GPC6: variants seen among roughly 807,000 people sequenced by gnomAD.
GPC6 encodes the protein glypican 6.
GPC6 carries 14 observed loss-of-function variants against 55.2 expected under a neutral mutation model. The observed-to-expected ratio is 0.25, with a 90% CI of 0.17 to 0.40. The LOEUF (loss-of-function observed/expected upper bound fraction) is 0.40, where lower values mean the gene tolerates loss of function less well. Ranked by LOEUF, GPC6 falls within the 10% of genes least tolerant of loss-of-function variation. The probability of loss-of-function intolerance (pLI) is 1.00; values close to 1 mark genes in which losing one functional copy is unlikely to be tolerated. For missense variants in GPC6, 641 were observed against 708.5 expected (o/e 0.90, Z 1.08); for synonymous variants, 278 against 259.6 (o/e 1.07, Z -0.68).
chr13:93,349,993 T>C (rs949425143), intron 1 of GPC6, among the ~76,000 whole-genome samples: 10 of 152,192 alleles, frequency 6.6e-5, no homozygotes, highest in African/African-American at 2.4e-4. Context: ...GTTATTGTGT[T>C]TTTACTTTTG....
intron 4 of GPC6, among the ~76,000 whole-genome samples, chr13:94,109,400 C>T (rs1054309338): frequency 6.6e-6 from 1 of 151,816 alleles, no homozygotes; most frequent in Non-Finnish European, 1.5e-5. Context: ...TTTTTCTGGT[C>T]CTCACTAGAT....
At chr13:93,478,465 TGGCACCAACACAGGCATAATTTAC>T (rs1594198905) in intron 1 of GPC6, among the ~76,000 whole-genome samples, 1 of 152,196 alleles carries the variant, frequency 6.6e-6, no homozygotes, top group East Asian at 1.9e-4. Context: ...CATCAACAAG[TGGCACCAACACAGGCATAATTTAC>T]CAGAAAAAAA....
At chr13:93,505,618 C>T (rs148554209) in intron 1 of GPC6, among the ~76,000 whole-genome samples, 1 of 152,132 alleles carries the variant, frequency 6.6e-6, no homozygotes, top group Non-Finnish European at 1.5e-5. Context: ...CAGTTCAGCA[C>T]TACAGCTGGG....
At chr13:93,779,805 G>A (rs1885580928) in intron 2 of GPC6, among the ~76,000 whole-genome samples, 1 of 152,214 alleles carries the variant, frequency 6.6e-6, no homozygotes, top group African/African-American at 2.4e-5. Flanking sequence ...TTAATGTAGG[G>A]AAATGACACC....
chr13:93,860,685 G>A (rs1888781271), intron 3 of GPC6, among the ~76,000 whole-genome samples: 1 of 151,496 alleles, frequency 6.6e-6, no homozygotes, highest in East Asian at 2.0e-4. Context: ...AGGTGGAAGT[G>A]GGATAGGCAT....
At chr13:93,744,737 C>G (rs1884337371) in intron 2 of GPC6, among the ~76,000 whole-genome samples, 1 of 151,328 alleles carries the variant, frequency 6.6e-6, no homozygotes, top group Admixed American at 6.6e-5. Flanking sequence ...CGAGACCAGA[C>G]TGGCCAATAT....
intron 1 of GPC6, among the ~76,000 whole-genome samples, chr13:93,377,086 C>A (rs1874932768): frequency 6.6e-6 from 1 of 152,128 alleles, no homozygotes; most frequent in Non-Finnish European, 1.5e-5. Flanking sequence ...TACAAATGTA[C>A]ACACATACAC....
rs530142824 is a variant in GPC6, at chr13:94,364,474, C to T, written c.1153-17940C>T. On this transcript the variant is annotated intron_variant, in intron 6 of 8. Coordinates refer to ENST00000377047, the MANE Select transcript of GPC6 (RefSeq NM_005708.5). ...GTTTAGTCCCCCAATGCCATATGTC[C>T]CCATGGTGACATTTGTACTCATTAA... Among the ~76,000 whole-genome samples, 216 of 152,248 alleles carry T rather than the reference C, an allele frequency of 1.4e-3. 1 individual carries two copies. The highest frequency in any genetic ancestry group is 1.9e-3 in the Non-Finnish European group (128 of 68,004).
At chr13:94,338,346 A>G (rs1877835373) in intron 6 of GPC6, among the ~76,000 whole-genome samples, 2 of 152,212 alleles carry the variant, frequency 1.3e-5, no homozygotes, top group Non-Finnish European at 2.9e-5. Flanking sequence ...CCACTGCTTC[A>G]GGAGCAGAGA....
intron 1 of GPC6, among the ~76,000 whole-genome samples, chr13:93,501,527 T>C (rs1205412854): frequency 6.6e-6 from 1 of 152,204 alleles, no homozygotes; most frequent in African/African-American, 2.4e-5. Context: ...TTGTTTTGTT[T>C]TCTTTGTTTG....
intron 4 of GPC6, among the ~76,000 whole-genome samples, chr13:94,276,412 G>T (rs1892205540): frequency 6.6e-6 from 1 of 152,120 alleles, no homozygotes; most frequent in Non-Finnish European, 1.5e-5. Context: ...GGGCAGAGGT[G>T]GCATTAGGCA....
At chr13:93,333,249 G>C (rs1230933806) in intron 1 of GPC6, among the ~76,000 whole-genome samples, 1 of 152,118 alleles carries the variant, frequency 6.6e-6, no homozygotes, top group East Asian at 1.9e-4. Flanking sequence ...TTGGTATTTT[G>C]TTAGGGATTG....
At chr13:93,238,230 T>C (rs148326276) in intron 1 of GPC6, among the ~76,000 whole-genome samples, 60 of 152,348 alleles carry the variant, frequency 3.9e-4, no homozygotes, top group African/African-American at 1.3e-3. Flanking sequence ...TTGTGTGATC[T>C]ACAGTTTCTT....
chr13:93,509,307 C>T (rs1880854502), intron 1 of GPC6, among the ~76,000 whole-genome samples: 1 of 152,132 alleles, frequency 6.6e-6, no homozygotes, highest in South Asian at 2.1e-4. Context: ...TTACATTCTC[C>T]ATGTAGTATA....
chr13:94,144,404 AACACACACAC>A (rs59772537), intron 4 of GPC6, among the ~76,000 whole-genome samples: 1,942 of 143,386 alleles, frequency 0.014, 49 homozygotes, highest in African/African-American at 0.045. Context: ...GTGCTTTTAA[AACACACACAC>A]ACACACACAC....
chr13:93,894,609 A>G (rs1875884224), intron 3 of GPC6, among the ~76,000 whole-genome samples: 1 of 152,106 alleles, frequency 6.6e-6, no homozygotes, highest in African/African-American at 2.4e-5. Context: ...TTTAATATTT[A>G]CTCATAGCTC....
At chr13:93,264,764 A>G (rs193046794) in intron 1 of GPC6, among the ~76,000 whole-genome samples, 67 of 152,100 alleles carry the variant, frequency 4.4e-4, no homozygotes, top group African/African-American at 1.5e-3. Context: ...TGCTATATAA[A>G]TAGTTGTTAT....
At chr13:94,113,947 G>A (rs1212677905) in intron 4 of GPC6, among the ~76,000 whole-genome samples, 1 of 149,606 alleles carries the variant, frequency 6.7e-6, no homozygotes, top group Non-Finnish European at 1.5e-5. Flanking sequence ...ACTTGAACCT[G>A]GGAGACAGAG....
chr13:93,498,165 T>C (rs151140288), intron 1 of GPC6, among the ~76,000 whole-genome samples: 4 of 152,272 alleles, frequency 2.6e-5, no homozygotes, highest in African/African-American at 7.2e-5. Context: ...TTCTTTCTGC[T>C]CCTGGTGAGT....
Sources: gnomAD v4.1 joint callset for allele counts (sites outside exome capture counted in the v4.1 genomes callset) on GRCh38, gnomAD v4.1.1 for gene constraint, MANE v1.5 for transcripts, NCBI Gene and HGNC (gene_info 2026-07-23, HGNC 2026-07-21) for gene names.